SORCS3: variants seen among roughly 807,000 people sequenced by gnomAD.
The protein encoded by SORCS3 is VPS10 domain-containing receptor SorCS3.
SORCS3 carries 57 observed loss-of-function variants against 146.3 expected under a neutral mutation model. That is an observed-to-expected ratio of 0.39 (90% confidence interval 0.31 to 0.49). The LOEUF is 0.49. Among genes scored for constraint, SORCS3 ranks in the 20% least tolerant of loss-of-function variants. The pLI, the probability that SORCS3 is intolerant of heterozygous loss-of-function variation, is 0.92. For synonymous variants in SORCS3, 653 were observed against 618.5 expected, an observed-to-expected ratio of 1.06 and a Z score of -0.83; for missense variants, 1,341 against 1,575.5, an observed-to-expected ratio of 0.85 and a Z score of 2.52.
At chr10:105,248,993 TCAC>T (rs2056883564) in intron 22 of SORCS3, among the ~76,000 whole-genome samples, 1 of 152,166 alleles carries the variant, frequency 6.6e-6, no homozygotes, top group Non-Finnish European at 1.5e-5. Context: ...GGGAGACATT[TCAC>T]AAAAGGTGAC....
chr10:104,687,651 T>G (rs1271449555), intron 1 of SORCS3, among the ~76,000 whole-genome samples: 1 of 152,084 alleles, frequency 6.6e-6, no homozygotes. Context: ...GGTTTCAAGC[T>G]GAAGGGCAAT....
chr10:104,957,877 A>G (rs1211909923), intron 3 of SORCS3, among the ~76,000 whole-genome samples: 1 of 151,990 alleles, frequency 6.6e-6, no homozygotes, highest in African/African-American at 2.4e-5. Context: ...TTGAGAAGGG[A>G]AGCAAAACCA....
chr10:104,778,350 T>C (rs79559325), intron 1 of SORCS3, among the ~76,000 whole-genome samples: 1,779 of 152,328 alleles, frequency 0.012, 30 homozygotes, highest in African/African-American at 0.04. Flanking sequence ...ATTGGGCCTA[T>C]TTGGGGAAAT....
intron 2 of SORCS3, among the ~76,000 whole-genome samples, chr10:104,859,308 G>A (rs1160039420): frequency 2.6e-5 from 4 of 152,094 alleles, no homozygotes; most frequent in South Asian, 2.1e-4. Context: ...AGAAAAACAA[G>A]CAATGGGGAA....
rs1296641785 is a variant in SORCS3, at chr10:105,157,281, G to A, written c.1626G>A (p.Leu542=). ...VDLRGSPVHC[L]LPFCSLHLHL... ...TGAGAGGAAGCCCAGTGCACTGCCTGCTGGTCAGTCACTCAGCCTCATGGG... is the reference window on the plus strand; with the variant it reads ...TGAGAGGAAGCCCAGTGCACTGCCTACTGGTCAGTCACTCAGCCTCATGGG... Residue 542 remains leucine (L), a synonymous_variant, in exon 10 of 27, where the codon CTG becomes CTA. Coordinates refer to ENST00000369701, the MANE Select transcript of SORCS3 (RefSeq NM_014978.3). 6.2e-7 allele frequency: 1 copy of A among 1,613,914 alleles called. No homozygotes were observed. Among genetic ancestry groups the A allele is most frequent in the African/African-American group, 1.3e-5 (1 of 75,074 alleles).
chr10:104,736,681 A>G (rs533823232), intron 1 of SORCS3, among the ~76,000 whole-genome samples: 2 of 151,578 alleles, frequency 1.3e-5, no homozygotes, highest in Non-Finnish European at 2.9e-5. Flanking sequence ...TTTCCTTTAT[A>G]TTCTCAGCAG....
chr10:105,263,178 C>T (rs145060337), intron 26 of SORCS3, 132 bp from the exon 27 acceptor site: 83 of 721,828 alleles, frequency 1.1e-4, no homozygotes, highest in Admixed American at 4.1e-4. Context: ...TAACGATATC[C>T]GGGTGCCTTT....
intron 3 of SORCS3, among the ~76,000 whole-genome samples, chr10:104,958,851 C>T (rs899847768): frequency 6.6e-6 from 1 of 151,902 alleles, no homozygotes; most frequent in African/African-American, 2.4e-5. Flanking sequence ...TACATGGTGG[C>T]AGAAGAGAGA....
intron 2 of SORCS3, among the ~76,000 whole-genome samples, chr10:104,883,433 G>C (rs1393813330): frequency 6.6e-6 from 1 of 152,180 alleles, no homozygotes; most frequent in Non-Finnish European, 1.5e-5. Flanking sequence ...TTGAGCAAAG[G>C]CTATGTGAAG....
chr10:105,233,093 T>C (rs935395545), intron 20 of SORCS3, among the ~76,000 whole-genome samples: 5 of 152,088 alleles, frequency 3.3e-5, no homozygotes, highest in Non-Finnish European at 7.4e-5. Context: ...TATTTCTTTT[T>C]TTGTATATCA....
chr10:104,644,569 A>G (rs1377755565), intron 1 of SORCS3, among the ~76,000 whole-genome samples: 1 of 152,194 alleles, frequency 6.6e-6, no homozygotes, highest in Non-Finnish European at 1.5e-5. Flanking sequence ...GTGAAGAGTG[A>G]TGGGGATGAG....
At chr10:105,160,790 T>C (rs1179499860) in intron 11 of SORCS3, among the ~76,000 whole-genome samples, 1 of 152,222 alleles carries the variant, frequency 6.6e-6, no homozygotes, top group East Asian at 1.9e-4. Flanking sequence ...ATAAATCCGA[T>C]GCATGCACTA....
At chr10:104,713,131 G>A (rs866063594) in intron 1 of SORCS3, among the ~76,000 whole-genome samples, 309 of 1,660 alleles carry the variant, frequency 0.19, 1 homozygote, top group Admixed American at 0.31. Context: ...GTGTGTGCGT[G>A]TGTGTGTGTG....
At chr10:104,693,050 C>T (rs1353342597) in intron 1 of SORCS3, among the ~76,000 whole-genome samples, 2 of 152,186 alleles carry the variant, frequency 1.3e-5, no homozygotes, top group African/African-American at 2.4e-5. Flanking sequence ...ATTCCTCATA[C>T]AGTGAAGCCT....
chr10:104,885,906 A>G (rs1280418453), intron 2 of SORCS3, among the ~76,000 whole-genome samples: 14 of 152,214 alleles, frequency 9.2e-5, no homozygotes, highest in Admixed American at 9.2e-4. Flanking sequence ...AAAGAAGAAT[A>G]TAGTTATATC....
At chr10:104,818,470 A>G (rs912376485) in intron 1 of SORCS3, among the ~76,000 whole-genome samples, 14 of 150,274 alleles carry the variant, frequency 9.3e-5, no homozygotes, top group Middle Eastern at 3.4e-3. Flanking sequence ...GGAGGGCCCA[A>G]GGGGTGCCAG....
At chr10:105,028,693 G>A (rs2055245914) in intron 4 of SORCS3, among the ~76,000 whole-genome samples, 1 of 152,140 alleles carries the variant, frequency 6.6e-6, no homozygotes, top group African/African-American at 2.4e-5. Flanking sequence ...TCCTCCACAG[G>A]GTGGTCGTGG....
At chr10:104,756,561 G>C (rs1395184407) in intron 1 of SORCS3, among the ~76,000 whole-genome samples, 1 of 152,196 alleles carries the variant, frequency 6.6e-6, no homozygotes, top group Non-Finnish European at 1.5e-5. Flanking sequence ...GGCAGGGTAA[G>C]GGTGGGTGAA....
intron 2 of SORCS3, among the ~76,000 whole-genome samples, chr10:104,886,495 G>T (rs1192832405): frequency 6.6e-6 from 1 of 151,760 alleles, no homozygotes; most frequent in Non-Finnish European, 1.5e-5. Context: ...TTATTTATAT[G>T]TATATATATA....
Sources: gnomAD v4.1 joint callset for allele counts (sites outside exome capture counted in the v4.1 genomes callset) on GRCh38, gnomAD v4.1.1 for gene constraint, MANE v1.5 for transcripts, NCBI Gene and HGNC (gene_info 2026-07-23, HGNC 2026-07-21) for gene names.